Variants in ATG4B observed in about 807,000 individuals in gnomAD.
ATG4B encodes the protein cysteine protease ATG4B.
In ATG4B, 29 loss-of-function variants were observed where a neutral mutation model predicts 56.6. The observed-to-expected ratio is 0.51, with a 90% CI of 0.38 to 0.70. The LOEUF is 0.70. ATG4B is among the 30% of genes least tolerant of loss of function. The pLI, the probability that ATG4B is intolerant of heterozygous loss-of-function variation, is 0.00. For missense variants in ATG4B, 461 were observed against 515.5 expected (o/e 0.89, Z 1.02); for synonymous variants, 224 against 206.1 (o/e 1.09, Z -0.74).
intron 1 of ATG4B, among the ~76,000 whole-genome samples, chr2:241,640,462 C>T (rs1391830341): frequency 6.6e-6 from 1 of 152,196 alleles, no homozygotes; most frequent in African/African-American, 2.4e-5. Context: ...AGTTTCTGTT[C>T]TGATAGTCAT....
Position 241,670,793 on chromosome 2 carries a change from GC to G in ATG4B, c.1014+15del. 1 of 1,604,150 alleles carries G rather than the reference GC, an allele frequency of 6.2e-7. No individual in the cohort carries two copies. The highest frequency in any genetic ancestry group is 8.5e-7 in the Non-Finnish European group (1 of 1,175,380). ...CAGCAAGTCAAAAAGGTTTGTAGCCGCCCCACACCCACAGCCGAGCTGAGCC... is the reference window on the plus strand; with the variant it reads ...CAGCAAGTCAAAAAGGTTTGTAGCCGCCCACACCCACAGCCGAGCTGAGCC... On this transcript the variant is annotated intron_variant, in intron 11 of 12. Coordinates refer to ENST00000404914, the MANE Select transcript of ATG4B (RefSeq NM_013325.5).
chr2:241,657,195 T>G (rs1421322292), intron 6 of ATG4B, among the ~76,000 whole-genome samples: 3 of 140,868 alleles, frequency 2.1e-5, no homozygotes, highest in Non-Finnish European at 3.1e-5. Context: ...CAGGCTGGTC[T>G]TGAACTCCTG....
rs751805218 is a variant in ATG4B, at chr2:241,651,362, G to A, written c.184+27G>A. 11 of 1,519,782 alleles carry A rather than the reference G, an allele frequency of 7.2e-6. No homozygotes were observed. The Admixed American group carries it at 8.2e-5, about 11-fold the overall frequency. The allele number at this position is 1,519,782 out of a possible 1,614,324, so 94.1% of individuals were successfully genotyped here. A position where few individuals can be genotyped will look rare whatever the true frequency, so the allele number is the denominator to read the frequency against. The stretch of plus-strand genomic sequence containing the variant: ...TAAGTACTCTGTTTTATTACAACGC[G>A]GGACAAAATATGTTTTTAGGAAGGA... On this transcript the variant is annotated intron_variant, in intron 3 of 12. Coordinates refer to ENST00000404914, the MANE Select transcript of ATG4B (RefSeq NM_013325.5). This position sits in a 1 kb window ranked among gnomAD's most constrained non-coding sequence, Gnocchi z 4.1.
chr2:241,653,212 TC>T, intron 3 of ATG4B: 1 of 879,364 alleles, frequency 1.1e-6, no homozygotes, highest in Admixed American at 2.1e-5. Context: ...CTTTGCATTT[TC>T]TGGATGACTT....
At chr2:241,664,519 C>T (rs2068700191) in intron 7 of ATG4B, among the ~76,000 whole-genome samples, 1 of 152,138 alleles carries the variant, frequency 6.6e-6, no homozygotes, top group Non-Finnish European at 1.5e-5. Context: ...GCCTGGGTGA[C>T]ACAGTAAGAC....
Position 241,671,382 on chromosome 2 carries a change from C to T in ATG4B, c.1085C>T (p.Pro362Leu), listed in dbSNP as rs1253065006. ...CTGCAGCCTTCACATCTGGCCTGCC[C>T]CGACGTCCTGAACCTGTCCCTAGGT... ...VELQPSHLAC[P>L]DVLNLSLDSS... is the part of the protein sequence containing the mutation. The change falls in exon 12 of 13, where the codon CCC becomes CTC. Residue 362 changes from proline to leucine, a missense_variant. Coordinates refer to ENST00000404914, the MANE Select transcript of ATG4B (RefSeq NM_013325.5). 1 of 1,613,682 alleles carries T rather than the reference C, an allele frequency of 6.2e-7. No homozygotes were observed. Among genetic ancestry groups the T allele is most frequent in the South Asian group, 1.1e-5 (1 of 90,996 alleles).
At chr2:241,664,762 G>A (rs894140405) in intron 7 of ATG4B, among the ~76,000 whole-genome samples, 3 of 152,156 alleles carry the variant, frequency 2.0e-5, no homozygotes, top group Admixed American at 6.5e-5. Flanking sequence ...TCAGGAGTTC[G>A]AGACCAGCCC....
intron 7 of ATG4B, among the ~76,000 whole-genome samples, chr2:241,660,702 T>G (rs1406773965): frequency 6.6e-6 from 1 of 151,656 alleles, no homozygotes; most frequent in Non-Finnish European, 1.5e-5. Flanking sequence ...TTTCAAAAAC[T>G]TACATAGTTT....
At chr2:241,638,037 AGGGCGGCGGAGCCTGCC>A (rs2067734009) in intron 1 of ATG4B, among the ~76,000 whole-genome samples, 1 of 150,968 alleles carries the variant, frequency 6.6e-6, no homozygotes, top group Non-Finnish European at 1.5e-5. Flanking sequence ...TCGGCCGTGG[AGGGCGGCGGAGCCTGCC>A]GGGCGGGGAG....
At position 241,673,623 on chromosome 2, in the gene ATG4B, T is replaced by G. The variant is rs1319973078; in HGVS notation, c.*1359T>G. On this transcript the variant is annotated 3_prime_UTR_variant, in exon 13 of 13. Coordinates refer to ENST00000404914, the MANE Select transcript of ATG4B (RefSeq NM_013325.5). The stretch of plus-strand genomic sequence containing the variant: ...CGTATCCTTTCTCCCTTGGGTGTAG[T>G]TGGGGTGGGGAAGCAGGGAAGGCTG... The G allele has an allele frequency of 6.6e-6, 3 of 455,728 alleles. No individual in the cohort carries two copies. The highest frequency in any genetic ancestry group is 2.0e-5 in the African/African-American group (1 of 49,868). The allele number at this position is 455,728 out of a possible 1,614,324, so 28.2% of individuals were successfully genotyped here.
chr2:241,664,055 T>C (rs1393780670), intron 7 of ATG4B, among the ~76,000 whole-genome samples: 1 of 152,132 alleles, frequency 6.6e-6, no homozygotes, highest in Non-Finnish European at 1.5e-5. Context: ...CCTGACCTCA[T>C]GATCTGCCCA....
rs781258148 is a variant in ATG4B at position 241,651,840 on chromosome 2, T to C, written c.184+505T>C. ...GGGGAGATTTGAAGGGCCAGGTGAA[T>C]GTGACATGTTTTTATGTAACACTAA... On this transcript the variant is annotated intron_variant, in intron 3 of 12. Coordinates refer to ENST00000404914, the MANE Select transcript of ATG4B (RefSeq NM_013325.5). This position sits in a 1 kb window ranked among gnomAD's most constrained non-coding sequence, Gnocchi z 4.1. The C allele has an allele frequency of 1.9e-5, 23 of 1,229,934 alleles. No homozygotes were observed. In the African/African-American group the frequency reaches 2.3e-4, roughly 12 times the overall value. 76.2% of individuals were successfully genotyped at this position (1,229,934 alleles called of 1,614,324 possible).
At chr2:241,640,361 C>T (rs1389525560) in intron 1 of ATG4B, among the ~76,000 whole-genome samples, 2 of 152,164 alleles carry the variant, frequency 1.3e-5, no homozygotes, top group Non-Finnish European at 2.9e-5. Flanking sequence ...TGACTTGATG[C>T]TGTATTTCCT....
rs111430905 is a variant in ATG4B at position 241,651,116 on chromosome 2, C to T, written c.112+5C>T. The T allele has an allele frequency of 6.4e-3, 10,234 of 1,610,270 alleles. 43 individuals are homozygous for T. The highest frequency in any genetic ancestry group is 7.5e-3 in the Non-Finnish European group (8,857 of 1,177,872). On this transcript the variant is annotated splice_donor_5th_base_variant and intron_variant, in intron 2 of 12. Transcript: ENST00000404914. This position sits in a 1 kb window ranked among gnomAD's most constrained non-coding sequence, Gnocchi z 4.1. ...GAAAATACAGCATTTTCACAGGTATCGGCCATGCTGGAGCCCACCCTGGTC... is the reference window on the plus strand; with the variant it reads ...GAAAATACAGCATTTTCACAGGTATTGGCCATGCTGGAGCCCACCCTGGTC...
At chr2:241,672,111 T>C in intron 12 of ATG4B, 80 bp from the exon 13 acceptor site, 8 of 1,535,802 alleles carry the variant, frequency 5.2e-6, no homozygotes, top group Non-Finnish European at 7.0e-6. Context: ...CTGCTCAGTC[T>C]GCCCCACGCC....
At chr2:241,641,268 G>T (rs2067878154) in intron 1 of ATG4B, among the ~76,000 whole-genome samples, 1 of 152,174 alleles carries the variant, frequency 6.6e-6, no homozygotes, top group Admixed American at 6.5e-5. Context: ...CAGATGGAGG[G>T]GGGCGGGCGT....
Position 241,672,473 on chromosome 2 carries a change from G to A in ATG4B, c.*209G>A, listed in dbSNP as rs1343874849. 2 of 593,360 alleles carry A rather than the reference G, an allele frequency of 3.4e-6. No individual in the cohort carries two copies. Among genetic ancestry groups the A allele is most frequent in the East Asian group, 2.8e-5 (1 of 35,648 alleles). 36.8% of individuals were successfully genotyped at this position (593,360 alleles called of 1,614,324 possible). A position where few individuals can be genotyped will look rare whatever the true frequency, so the allele number is the denominator to read the frequency against. ...CTGCCCAGCTCAGAGTGCCCGTCAGGGCCTGTGCATCCGCACGCGGAGCCG... is the reference window on the plus strand; with the variant it reads ...CTGCCCAGCTCAGAGTGCCCGTCAGAGCCTGTGCATCCGCACGCGGAGCCG... On this transcript the variant is annotated 3_prime_UTR_variant, in exon 13 of 13. Coordinates refer to ENST00000404914, the MANE Select transcript of ATG4B (RefSeq NM_013325.5).
chr2:241,654,442 A>G, intron 4 of ATG4B, 104 bp from the exon 5 acceptor site: 2 of 612,688 alleles, frequency 3.3e-6, no homozygotes, highest in Non-Finnish European at 2.7e-6. Context: ...AAAAAAAAAA[A>G]GATTCTGAAA....
rs749611399 is a variant in ATG4B at position 241,668,963 on chromosome 2, T to A, written c.957+278T>A. On this transcript the variant is annotated intron_variant, in intron 10 of 12. Transcript: ENST00000404914. This position sits in a 1 kb window ranked among gnomAD's most constrained non-coding sequence, Gnocchi z 4.2. ...AGCGTGTGTGGGCGCGTGCTGAGTG[T>A]GCATGGATGAGTGTGAGCCATGGTG... 6.3e-5 allele frequency: 30 copies of A among 477,926 alleles called. No individual in the cohort carries two copies. Among genetic ancestry groups the A allele is most frequent in the Non-Finnish European group, 1.0e-4 (27 of 269,104 alleles). The allele number at this position is 477,926 out of a possible 1,614,324, so 29.6% of individuals were successfully genotyped here.
Sources: gnomAD v4.1 joint callset for allele counts (sites outside exome capture counted in the v4.1 genomes callset) on GRCh38, gnomAD v4.1.1 for gene constraint, Gnocchi (gnomAD v3.1) non-coding constraint, MANE v1.5 for transcripts, NCBI Gene and HGNC (gene_info 2026-07-23, HGNC 2026-07-21) for gene names.